TNKS: variants seen among roughly 807,000 people sequenced by gnomAD.
The protein encoded by TNKS is tankyrase.
In TNKS, 72 loss-of-function variants were observed where a neutral mutation model predicts 135.8. The observed-to-expected ratio is 0.53, with a 90% confidence interval of 0.44 to 0.64. The LOEUF is 0.64. TNKS is among the 30% of genes least tolerant of loss of function. TNKS has a pLI of 0.00. For missense variants in TNKS, 1,769 were observed against 1,674.0 expected (o/e 1.06, Z -0.99); for synonymous variants, 849 against 649.3 (o/e 1.31, Z -4.68).
intron 1 of TNKS, chr8:9,575,458 A>C: frequency 1.0e-6 from 1 of 980,352 alleles, no homozygotes; most frequent in Non-Finnish European, 1.2e-6. Flanking sequence ...ACTAACAAAT[A>C]GACAAACTGA....
chr8:9,657,272 G>T (rs868740590), intron 3 of TNKS, among the ~76,000 whole-genome samples: 1 of 38,570 alleles, frequency 2.6e-5, no homozygotes, highest in Non-Finnish European at 6.8e-5. Flanking sequence ...CCTCCCTCCC[G>T]GACGGGGCGG....
intron 5 of TNKS, among the ~76,000 whole-genome samples, chr8:9,689,068 T>G (rs577647674): frequency 4.4e-4 from 67 of 152,250 alleles, no homozygotes; most frequent in African/African-American, 1.5e-3. Context: ...ATATTGGGGG[T>G]TGGGGCTTCA....
At chr8:9,558,715 A>G (rs1187045912) in intron 1 of TNKS, 1 of 152,202 alleles carries the variant, frequency 6.6e-6, no homozygotes, top group African/African-American at 2.4e-5. Flanking sequence ...TAAACAATCA[A>G]ACAGTACCGT....
intron 12 of TNKS, among the ~76,000 whole-genome samples, chr8:9,721,646 G>T (rs192069379): frequency 1.3e-4 from 20 of 152,030 alleles, no homozygotes; most frequent in East Asian, 3.9e-4. Context: ...ATCAGGTACA[G>T]TGCCCGCTTT....
intron 3 of TNKS, among the ~76,000 whole-genome samples, chr8:9,666,064 G>C (rs761387117): frequency 6.6e-6 from 1 of 151,980 alleles, no homozygotes; most frequent in Admixed American, 6.6e-5. Flanking sequence ...CTTACTCAGC[G>C]CAAATTTGCT....
rs767498598 is a variant in TNKS, at chr8:9,765,770, C to G, written c.3526C>G (p.His1176Asp). 1.2e-6 allele frequency: 2 copies of G among 1,613,952 alleles called. No individual in the cohort carries two copies. Among genetic ancestry groups the G allele is most frequent in the South Asian group, 1.1e-5 (1 of 91,068 alleles). Residue 1176 changes from histidine (H) to aspartate (D), a missense_variant, in exon 24 of 27, where the codon CAT (histidine) becomes GAT (aspartate). Physicochemically the swap from His to Asp is moderately conservative, Grantham distance 81 (BLOSUM62 -1). This residue lies in a region of TNKS where 722 missense variants were observed against 688.9 expected (regional missense o/e 1.05). Coordinates refer to ENST00000310430, the MANE Select transcript of TNKS (RefSeq NM_003747.3). ...GGAAGTGTCTGAGGAGAATCACAAC[C>G]ATCACAATGAGCGCATGTTGTTTCA... ...QKEVSEENHN[H>D]HNERMLFHGS...
chr8:9,577,006 A>G (rs1797974805), intron 1 of TNKS, among the ~76,000 whole-genome samples: 1 of 152,232 alleles, frequency 6.6e-6, no homozygotes, highest in Non-Finnish European at 1.5e-5. Flanking sequence ...CCTCTGGGGA[A>G]GCAAAGAGGG....
At chr8:9,587,382 C>G (rs1281376947) in intron 2 of TNKS, among the ~76,000 whole-genome samples, 6 of 151,380 alleles carry the variant, frequency 4.0e-5, no homozygotes, top group Admixed American at 6.6e-5. Context: ...GGAATTCAGC[C>G]TTGCCGACAC....
chr8:9,710,380 T>G, intron 11 of TNKS, 160 bp downstream of exon 11: 1 of 672,698 alleles, frequency 1.5e-6, no homozygotes, highest in East Asian at 2.7e-5. Flanking sequence ...CTGATTTAGA[T>G]CTTGTTTCTA....
intron 1 of TNKS, among the ~76,000 whole-genome samples, chr8:9,572,697 C>G (rs1237547849): frequency 1.3e-5 from 2 of 152,000 alleles, no homozygotes; most frequent in Non-Finnish European, 2.9e-5. Context: ...TGCTATATAC[C>G]CCTCTATAAT....
At chr8:9,582,080 T>G (rs1798188475) in intron 2 of TNKS, among the ~76,000 whole-genome samples, 1 of 152,230 alleles carries the variant, frequency 6.6e-6, no homozygotes, top group African/African-American at 2.4e-5. Context: ...ATATAGTTGC[T>G]ATTAAAGTAT....
At chr8:9,658,176 G>A (rs1801509864) in intron 3 of TNKS, 1 of 235,390 alleles carries the variant, frequency 4.2e-6, no homozygotes, top group East Asian at 8.4e-5. Context: ...CAGGCAGAGG[G>A]GCTCCTCACA....
At chr8:9,758,016 T>C (rs1230660193) in intron 20 of TNKS, among the ~76,000 whole-genome samples, 7 of 152,222 alleles carry the variant, frequency 4.6e-5, no homozygotes, top group African/African-American at 1.7e-4. Context: ...CTAGTCATCC[T>C]TTTAAAGAAT....
At position 9,734,796 on chromosome 8, in the gene TNKS, TTACCTACC is replaced by T. The variant is rs529364508; in HGVS notation, c.2314-53_2314-46del. On this transcript the variant is annotated intron_variant, in intron 15 of 26. Coordinates refer to ENST00000310430, the MANE Select transcript of TNKS (RefSeq NM_003747.3). ...GAGGAACAAAGGTAGAGTAAATTAA[TTACCTACC>T]TACCTACCTACCTACTTACTACAGA... The T allele has an allele frequency of 5.0e-3, 6,616 of 1,330,622 alleles. 21 individuals carry two copies. Among genetic ancestry groups the T allele is most frequent in the Non-Finnish European group, 5.9e-3 (5,670 of 961,872 alleles). The allele number at this position is 1,330,622 out of a possible 1,614,324, so 82.4% of individuals were successfully genotyped here.
intron 5 of TNKS, among the ~76,000 whole-genome samples, chr8:9,688,591 C>G (rs894683719): frequency 6.6e-6 from 1 of 152,102 alleles, no homozygotes; most frequent in Non-Finnish European, 1.5e-5. Flanking sequence ...GGTTTAGGTT[C>G]CAGCATGGTC....
At chr8:9,775,527 G>GT (rs371978181) in intron 26 of TNKS, among the ~76,000 whole-genome samples, 14 of 113,742 alleles carry the variant, frequency 1.2e-4, no homozygotes, top group Admixed American at 1.0e-3. Flanking sequence ...TAACATTTAT[G>GT]TTTTTTTGTT....
intron 1 of TNKS, among the ~76,000 whole-genome samples, chr8:9,578,326 A>C (rs1798037559): frequency 6.6e-6 from 1 of 152,252 alleles, no homozygotes; most frequent in Admixed American, 6.5e-5. Context: ...AGAGAATTAA[A>C]GAAAACCTAA....
chr8:9,589,861 T>G (rs1273915950), intron 2 of TNKS, among the ~76,000 whole-genome samples: 1 of 152,238 alleles, frequency 6.6e-6, no homozygotes, highest in East Asian at 1.9e-4. Flanking sequence ...AAAGAAGTCT[T>G]CTGATAATAT....
chr8:9,583,657 T>G (rs1798256060), intron 2 of TNKS, among the ~76,000 whole-genome samples: 1 of 151,658 alleles, frequency 6.6e-6, no homozygotes, highest in African/African-American at 2.4e-5. Context: ...CCCAGCTAAG[T>G]TTTGTATTTT....
Sources: allele counts gnomAD v4.1 joint callset (sites outside exome capture counted in the v4.1 genomes callset), GRCh38; gene constraint gnomAD v4.1.1; regional missense constraint gnomAD v4.1.1; transcripts MANE v1.5; gene names NCBI Gene and HGNC (gene_info 2026-07-23, HGNC 2026-07-21).